Variants in ATP2B4 observed in about 807,000 individuals in gnomAD.
ATP2B4 encodes ATPase plasma membrane Ca2+ transporting 4, also known as plasma membrane calcium-transporting ATPase 4.
ATP2B4 carries 39 observed loss-of-function variants against 110.3 expected under a neutral mutation model. That is an observed-to-expected ratio of 0.35 (90% CI 0.27 to 0.46). The LOEUF (loss-of-function observed/expected upper bound fraction) is 0.46. ATP2B4 is among the 20% of genes least tolerant of loss of function. The pLI is 1.00. For missense variants in ATP2B4, 1,135 were observed against 1,530.9 expected (o/e 0.74, Z 4.32); for synonymous variants, 538 against 571.7 (o/e 0.94, Z 0.84).
intron 1 of ATP2B4, among the ~76,000 whole-genome samples, chr1:203,674,897 C>T (rs1035291960): frequency 5.3e-5 from 8 of 151,932 alleles, no homozygotes; most frequent in Non-Finnish European, 1.0e-4. Flanking sequence ...TTAGTAGAGA[C>T]GGGGTTTCGC....
chr1:203,711,913 G>A (rs555356237), intron 12 of ATP2B4, 47 bp from the exon 13 acceptor site: 6 of 1,589,400 alleles, frequency 3.8e-6, no homozygotes, highest in South Asian at 2.3e-5. Context: ...AGCTTACCAG[G>A]GTCATCACCC....
intron 1 of ATP2B4, among the ~76,000 whole-genome samples, chr1:203,678,174 G>T (rs1460037006): frequency 6.6e-6 from 1 of 152,160 alleles, no homozygotes; most frequent in Non-Finnish European, 1.5e-5. Context: ...GACTCAGGGG[G>T]TGAGTTCCTT....
intron 12 of ATP2B4, among the ~76,000 whole-genome samples, chr1:203,711,432 T>G (rs1666006800): frequency 6.6e-6 from 1 of 152,198 alleles, no homozygotes; most frequent in African/African-American, 2.4e-5. Flanking sequence ...TTTGAGTACC[T>G]GCTGTGTGCT....
chr1:203,730,047 G>A (rs1666652927), intron 20 of ATP2B4, among the ~76,000 whole-genome samples: 1 of 152,124 alleles, frequency 6.6e-6, no homozygotes, highest in African/African-American at 2.4e-5. Context: ...AGAAAAGCTT[G>A]AAGGTCTCTC....
At chr1:203,713,707 C>T (rs534404754) in intron 14 of ATP2B4, among the ~76,000 whole-genome samples, 3 of 152,136 alleles carry the variant, frequency 2.0e-5, no homozygotes, top group Non-Finnish European at 4.4e-5. Flanking sequence ...CCAGGTGATC[C>T]GCCCACCTCG....
At chr1:203,730,262 G>A (rs1459522387) in intron 20 of ATP2B4, among the ~76,000 whole-genome samples, 1 of 150,816 alleles carries the variant, frequency 6.6e-6, no homozygotes, top group Non-Finnish European at 1.5e-5. Flanking sequence ...AAGAAAAGTG[G>A]AAAAGGGCTA....
chr1:203,679,348 G>T (rs761945220), intron 1 of ATP2B4, among the ~76,000 whole-genome samples: 1 of 152,128 alleles, frequency 6.6e-6, no homozygotes, highest in Non-Finnish European at 1.5e-5. Flanking sequence ...TAGTATTATA[G>T]CGATCCCACC....
At chr1:203,709,607 C>T (rs1036854166) in intron 11 of ATP2B4, 65 bp downstream of exon 11, 44 of 1,601,218 alleles carry the variant, frequency 2.7e-5, no homozygotes, top group Middle Eastern at 3.3e-4. Flanking sequence ...TGGGTGCACA[C>T]CCCACACTGA....
chr1:203,653,894 C>T (rs937012484), intron 1 of ATP2B4, among the ~76,000 whole-genome samples: 6 of 151,196 alleles, frequency 4.0e-5, no homozygotes, highest in Middle Eastern at 3.2e-3. Flanking sequence ...TCTATTCTGC[C>T]TGTGATCTAT....
At chr1:203,685,233 T>A (rs1442670192) in intron 2 of ATP2B4, among the ~76,000 whole-genome samples, 2 of 152,228 alleles carry the variant, frequency 1.3e-5, no homozygotes, top group Non-Finnish European at 2.9e-5. Context: ...AGTTGCCCAG[T>A]GTGCCATGGT....
chr1:203,632,621 G>A (rs955263931), intron 1 of ATP2B4, among the ~76,000 whole-genome samples: 7 of 151,538 alleles, frequency 4.6e-5, no homozygotes, highest in African/African-American at 1.7e-4. Flanking sequence ...GGGATTACAG[G>A]CGTGAGCCAC....
rs1316568361 is a variant in ATP2B4, at chr1:203,715,946, C to T, written c.2406+1669C>T. Among the ~76,000 whole-genome samples the T allele has an allele frequency of 1.4e-5, 2 of 144,382 alleles. 1 individual carries two copies. Among genetic ancestry groups the T allele is most frequent in the African/African-American group, 5.1e-5 (2 of 39,532 alleles). The allele number at this position is 144,382 out of a possible 152,430, so 94.7% of individuals were successfully genotyped here. ...TGCAGATTCACCCACTCAGGCCCCA[C>T]CCCAGATTTACTGAATTGGAAAGCC... On this transcript the variant is annotated intron_variant, in intron 15 of 20. Transcript: ENST00000357681.
rs1210836860 is a variant in ATP2B4 at position 203,707,922 on chromosome 1, G to A, written c.1375G>A (p.Ala459Thr). ...HLDACETMGN[A>T]TAICSDKTGT... Reference sequence around the variant, plus strand: ...GGATGCTTGTGAGACCATGGGCAACGCCACCGCCATCTGCTCTGATAAGAC... The same window carrying A: ...GGATGCTTGTGAGACCATGGGCAACACCACCGCCATCTGCTCTGATAAGAC... The change falls in exon 10 of 21, where the codon GCC becomes ACC. Residue 459 changes from alanine to threonine, a missense_variant. Ala to Thr is a moderately conservative substitution (Grantham distance 58). Around this residue, in one of 9 missense-constraint regions of ATP2B4, gnomAD observed 368 missense variants for 455.9 expected, o/e 0.81. Coordinates refer to ENST00000357681, the MANE Select transcript of ATP2B4 (RefSeq NM_001684.5). 15 of 1,614,022 alleles carry A rather than the reference G, an allele frequency of 9.3e-6. No individual in the cohort carries two copies. The highest frequency in any genetic ancestry group is 1.3e-5 in the Non-Finnish European group (15 of 1,180,032).
At chr1:203,661,088 C>T (rs577709060) in intron 1 of ATP2B4, among the ~76,000 whole-genome samples, 1 of 151,164 alleles carries the variant, frequency 6.6e-6, no homozygotes, top group East Asian at 1.9e-4. Context: ...CCAGCCAGAG[C>T]AACAAGAGAG....
chr1:203,736,569 G>C (rs1428655319), intron 20 of ATP2B4, among the ~76,000 whole-genome samples: 2 of 151,952 alleles, frequency 1.3e-5, no homozygotes, highest in Admixed American at 6.6e-5. Flanking sequence ...CTCATACCCA[G>C]TCTCCTGAGT....
At chr1:203,673,868 T>A (rs1231984640) in intron 1 of ATP2B4, among the ~76,000 whole-genome samples, 1 of 152,046 alleles carries the variant, frequency 6.6e-6, no homozygotes, top group Non-Finnish European at 1.5e-5. Flanking sequence ...AACAACCAGG[T>A]CCCGACCCGG....
rs1667007965 is a variant in ATP2B4 at position 203,742,101 on chromosome 1, T to G, written c.*2247T>G. ...GAAAATATAGAAATATATGCAAAAA[T>G]TATAGTTTTCTTTAGATCAGAAACT... On this transcript the variant is annotated 3_prime_UTR_variant, in exon 21 of 21. Transcript: ENST00000357681. 1 of 152,668 alleles carries G rather than the reference T, an allele frequency of 6.6e-6. No homozygotes were observed. Among genetic ancestry groups the G allele is most frequent in the African/African-American group, 2.4e-5 (1 of 41,460 alleles). 9.5% of individuals were successfully genotyped at this position (152,668 alleles called of 1,614,324 possible). A position where few individuals can be genotyped will look rare whatever the true frequency, so the allele number is the denominator to read the frequency against.
intron 1 of ATP2B4, among the ~76,000 whole-genome samples, chr1:203,664,451 G>C (rs879296041): frequency 6.6e-6 from 1 of 152,230 alleles, no homozygotes; most frequent in Non-Finnish European, 1.5e-5. Context: ...AAGGGCAAGG[G>C]CCTTTGCACA....
intron 20 of ATP2B4, among the ~76,000 whole-genome samples, chr1:203,729,169 G>T (rs921772192): frequency 6.6e-6 from 1 of 152,032 alleles, no homozygotes; most frequent in African/African-American, 2.4e-5. Flanking sequence ...CCTCGTTAGT[G>T]TATAGGAGAG....
Sources: gnomAD v4.1 joint callset for allele counts (sites outside exome capture counted in the v4.1 genomes callset) on GRCh38, gnomAD v4.1.1 for gene constraint, gnomAD v4.1.1 regional missense constraint, MANE v1.5 for transcripts, NCBI Gene and HGNC (gene_info 2026-07-23, HGNC 2026-07-21) for gene names.